DNAH11: variants seen among roughly 807,000 people sequenced by gnomAD.
DNAH11 encodes dynein axonemal heavy chain 11.
A neutral mutation model predicts 526.0 loss-of-function variants in DNAH11; 442 were observed. The ratio of observed to expected loss-of-function variants is 0.84; its 90% CI spans 0.78 to 0.91. DNAH11 has a LOEUF of 0.91. Among genes scored for constraint, DNAH11 ranks in the 40% least tolerant of loss-of-function variants. The probability of loss-of-function intolerance (pLI) is 0.00; values close to 1 mark genes in which losing one functional copy is unlikely to be tolerated. For missense variants in DNAH11, 6,989 were observed against 5,448.7 expected (o/e 1.28, Z -8.90); for synonymous variants, 2,461 against 1,935.9 (o/e 1.27, Z -7.12).
rs1485643489 is a variant in DNAH11, at chr7:21,779,090, G to A, written c.9469G>A (p.Ala3157Thr). The A allele has an allele frequency of 1.2e-6, 2 of 1,612,452 alleles. No homozygotes were observed. Among genetic ancestry groups the A allele is most frequent in the East Asian group, 2.2e-5 (1 of 44,832 alleles). ...KVSREKTIAD[A>T]EERKVTAIQT... ...GAGCCGGGAAAAGACCATCGCTGATGCTGAGGAGCGAAAGGTCAGGCTAAT... is the reference window on the plus strand; with the variant it reads ...GAGCCGGGAAAAGACCATCGCTGATACTGAGGAGCGAAAGGTCAGGCTAAT... Residue 3157 changes from alanine (A) to threonine (T), a missense_variant, in exon 57 of 82, where the codon GCT (alanine) becomes ACT (threonine). Transcript: ENST00000409508.
At chr7:21,860,889 G>C (rs1783037889) in intron 68 of DNAH11, among the ~76,000 whole-genome samples, 1 of 152,180 alleles carries the variant, frequency 6.6e-6, no homozygotes, top group Non-Finnish European at 1.5e-5. Flanking sequence ...GACAGAATGA[G>C]AGCCAAGTGA....
At position 21,818,246 on chromosome 7, in the gene DNAH11, C is replaced by G. The variant is rs748853726; in HGVS notation, c.10598C>G (p.Ala3533Gly). The G allele has an allele frequency of 1.9e-6, 3 of 1,611,968 alleles. No individual in the cohort carries two copies. Among genetic ancestry groups the G allele is most frequent in the Admixed American group, 1.7e-5 (1 of 59,746 alleles). ...GFLNAIETAL[A>G]FGDVILIENL... ...TTGAATGCCATTGAAACTGCTTTGG[C>G]CTTTGGTGATGTCATCTTAATTGAA... Residue 3533 changes from alanine to glycine, a missense_variant, in exon 65 of 82, where the codon GCC becomes GGC. By Grantham distance (60) the Ala-to-Gly change is moderately conservative (BLOSUM62 0). Transcript: ENST00000409508.
In DNAH11 at chr7:21,749,669, T is replaced by A. The variant is rs1786315774; in HGVS notation, c.8674-9T>A. 1.2e-6 allele frequency: 2 copies of A among 1,613,600 alleles called. No individual in the cohort carries two copies. The highest frequency in any genetic ancestry group is 1.3e-5 in the African/African-American group (1 of 74,922). On this transcript the variant is annotated splice_polypyrimidine_tract_variant and intron_variant, in intron 52 of 81. Coordinates refer to ENST00000409508, the MANE Select transcript of DNAH11 (RefSeq NM_001277115.2). ...TTAACAAAACATGAGTGATGGCCTT[T>A]CCTTACAGGTAGATCTTGCCAATTT...
chr7:21,611,182 G>A (rs1785509367), intron 20 of DNAH11, among the ~76,000 whole-genome samples: 1 of 152,146 alleles, frequency 6.6e-6, no homozygotes, highest in African/African-American at 2.4e-5. Context: ...CAAATTTGCT[G>A]TCTCCTCTGG....
intron 45 of DNAH11, among the ~76,000 whole-genome samples, chr7:21,732,017 T>G (rs1413855277): frequency 6.6e-6 from 1 of 152,142 alleles, no homozygotes; most frequent in African/African-American, 2.4e-5. Flanking sequence ...ATATATGGGG[T>G]TCTGTACCGT....
chr7:21,635,267 C>T (rs1158081706), intron 25 of DNAH11, among the ~76,000 whole-genome samples: 1 of 152,186 alleles, frequency 6.6e-6, no homozygotes, highest in Non-Finnish European at 1.5e-5. Context: ...CACCGTTCTC[C>T]TGCCTCAGCC....
intron 6 of DNAH11, 130 bp from the exon 7 acceptor site, chr7:21,569,939 T>G (rs1783820208): frequency 1.3e-5 from 9 of 690,460 alleles, no homozygotes; most frequent in South Asian, 5.0e-5. Context: ...ACTTGTGCTT[T>G]CTTTCTTTCA....
chr7:21,807,828 G>C, intron 62 of DNAH11, 55 bp from the exon 63 acceptor site: 4 of 1,527,466 alleles, frequency 2.6e-6, no homozygotes, highest in Non-Finnish European at 3.6e-6. Context: ...TTAAGCATTT[G>C]TGGAGTTGAC....
Position 21,866,405 on chromosome 7 carries a change from G to C in DNAH11, c.11497-65G>C, listed in dbSNP as rs114909687. 1.8e-3 allele frequency: 2,553 copies of C among 1,457,084 alleles called. 33 individuals are homozygous for C. In the African/African-American group the frequency reaches 0.031, roughly 18 times the overall value. 90.3% of individuals were successfully genotyped at this position (1,457,084 alleles called of 1,614,324 possible). On this transcript the variant is annotated intron_variant, in intron 70 of 81. Coordinates refer to ENST00000409508, the MANE Select transcript of DNAH11 (RefSeq NM_001277115.2). ...TACATAAGATTAGATACATTCACAA[G>C]TCTTCTTCTCAAACTGTAAAGTATC... is the stretch of plus-strand genomic sequence containing the variant.
intron 20 of DNAH11, among the ~76,000 whole-genome samples, chr7:21,612,480 A>G (rs537665205): frequency 2.0e-4 from 29 of 148,440 alleles, no homozygotes; most frequent in East Asian, 1.8e-3. Context: ...GCATGAACCC[A>G]GGAGGCAGAG....
Position 21,599,771 on chromosome 7 carries a change from A to G in DNAH11, c.2668-16A>G. The G allele has an allele frequency of 1.3e-6, 2 of 1,503,928 alleles. No homozygotes were observed. Among genetic ancestry groups the G allele is most frequent in the Non-Finnish European group, 1.8e-6 (2 of 1,122,472 alleles). The allele number at this position is 1,503,928 out of a possible 1,614,324, so 93.2% of individuals were successfully genotyped here. A position where few individuals can be genotyped will look rare whatever the true frequency, so the allele number is the denominator to read the frequency against. Reference sequence around the variant, plus strand: ...TATTTGTTTATATTCATCCACTAATACTTGTCTGTTTCTAGGAAAATAGGA... The same window carrying G: ...TATTTGTTTATATTCATCCACTAATGCTTGTCTGTTTCTAGGAAAATAGGA... On this transcript the variant is annotated splice_polypyrimidine_tract_variant and intron_variant, in intron 14 of 81. Transcript: ENST00000409508.
At chr7:21,742,291 T>C (rs1269687821) in intron 49 of DNAH11, 125 bp downstream of exon 49, 3 of 1,151,350 alleles carry the variant, frequency 2.6e-6, no homozygotes, top group African/African-American at 3.1e-5. Context: ...AGAAAAGAGG[T>C]TTAATTGGCT....
At position 21,818,301 on chromosome 7, in the gene DNAH11, G is replaced by T; in HGVS notation, c.10653G>T (p.Leu3551=). 4 of 1,610,548 alleles carry T rather than the reference G, an allele frequency of 2.5e-6. No homozygotes were observed. The highest frequency in any genetic ancestry group is 3.4e-6 in the Non-Finnish European group (4 of 1,178,574). The stretch of plus-strand genomic sequence containing the variant: ...TCGAGGAAACGATAGATCCAGTCCT[G>T]GATCCACTACTTGGCAGGAACACAA... ...ENLEETIDPV[L]DPLLGRNTIK... The change falls in exon 65 of 82, where the codon CTG becomes CTT. Residue 3551 remains leucine (L), a synonymous_variant. Transcript: ENST00000409508.
At chr7:21,612,142 T>A (rs1313164774) in intron 20 of DNAH11, among the ~76,000 whole-genome samples, 1 of 152,150 alleles carries the variant, frequency 6.6e-6, no homozygotes, top group Non-Finnish European at 1.5e-5. Context: ...TAGAAAAATA[T>A]AATTTACCAA....
At chr7:21,784,066 C>T (rs1185182754) in intron 57 of DNAH11, among the ~76,000 whole-genome samples, 1 of 152,144 alleles carries the variant, frequency 6.6e-6, no homozygotes, top group Non-Finnish European at 1.5e-5. Context: ...ACTAAGCTAG[C>T]CCAGATGTTT....
rs563495144 is a variant in DNAH11 at position 21,798,058 on chromosome 7, C to T, written c.10027-3079C>T. ...TCACATAAAGTGAAAAATGAGTCCA[C>T]ACCACCAGGGTCAGTAAGAGGCAGA... On this transcript the variant is annotated intron_variant, in intron 61 of 81. Coordinates refer to ENST00000409508, the MANE Select transcript of DNAH11 (RefSeq NM_001277115.2). Among the ~76,000 whole-genome samples, 5 of 152,326 alleles carry T rather than the reference C, an allele frequency of 3.3e-5. No individual in the cohort carries two copies. In the South Asian group the frequency reaches 1.0e-3, roughly 32 times the overall value.
intron 57 of DNAH11, among the ~76,000 whole-genome samples, chr7:21,781,170 C>T (rs1405508691): frequency 2.6e-5 from 4 of 152,144 alleles, no homozygotes; most frequent in Admixed American, 2.0e-4. Flanking sequence ...GTTTCTGGTC[C>T]TATGAAATTG....
chr7:21,753,966 T>A (rs2128493988), intron 54 of DNAH11, among the ~76,000 whole-genome samples: 1 of 152,328 alleles, frequency 6.6e-6, no homozygotes, highest in East Asian at 1.9e-4. Flanking sequence ...AACGGTGTAT[T>A]ATTTGTATAT....
intron 76 of DNAH11, among the ~76,000 whole-genome samples, chr7:21,888,788 G>A (rs988706027): frequency 3.3e-5 from 5 of 152,008 alleles, no homozygotes; most frequent in Admixed American, 6.6e-5. Context: ...ATGCCTGGCC[G>A]AAAATATCAT....
Sources: allele counts gnomAD v4.1 joint callset (sites outside exome capture counted in the v4.1 genomes callset), GRCh38; gene constraint gnomAD v4.1.1; transcripts MANE v1.5; gene names NCBI Gene and HGNC (gene_info 2026-07-23, HGNC 2026-07-21).